The following DACH2 variants were observed in gnomAD, a reference collection of about 807,000 sequenced individuals.
DACH2 encodes the protein dachshund homolog 2.
A neutral mutation model predicts 35.8 loss-of-function variants in DACH2; 17 were observed. The observed-to-expected ratio is 0.48, with a 90% CI of 0.33 to 0.71. DACH2 has a LOEUF of 0.71. DACH2 is among the 30% of genes least tolerant of loss of function. The pLI is 0.02. For missense variants in DACH2, 469 were observed against 472.7 expected (o/e 0.99, Z 0.07); for synonymous variants, 195 against 177.3 (o/e 1.10, Z -0.79).
intron 2 of DACH2, among the ~76,000 whole-genome samples, chrX:86,439,772 C>G (rs1311950145): frequency 9.0e-6 from 1 of 111,110 alleles, no homozygotes; most frequent in Non-Finnish European, 1.9e-5. Flanking sequence ...CTGTAAATTT[C>G]CTTCTAAGCA....
chrX:86,685,789 A>G (rs1250421129), intron 4 of DACH2, among the ~76,000 whole-genome samples: 2 of 110,460 alleles, frequency 1.8e-5, no homozygotes, highest in African/African-American at 6.6e-5. Context: ...TAAAATAATT[A>G]AATCTTGCAA....
chrX:86,470,059 C>A (rs752766904), intron 2 of DACH2, among the ~76,000 whole-genome samples: 8 of 95,801 alleles, frequency 8.4e-5, no homozygotes, highest in Non-Finnish European at 1.3e-4. Context: ...TCTGCTGTGG[C>A]ACTGTTAATC....
At chrX:86,608,764 A>G (rs1359434117) in intron 3 of DACH2, among the ~76,000 whole-genome samples, 1 of 111,157 alleles carries the variant, frequency 9.0e-6, no homozygotes, top group Non-Finnish European at 1.9e-5. Context: ...TTTTGGTTTT[A>G]TCCTTCAGCA....
chrX:86,261,683 C>T (rs1334569720), intron 1 of DACH2, among the ~76,000 whole-genome samples: 1 of 110,870 alleles, frequency 9.0e-6, no homozygotes, highest in Admixed American at 9.6e-5. Flanking sequence ...ATTCTGGGGC[C>T]CATACTTGAA....
intron 2 of DACH2, among the ~76,000 whole-genome samples, chrX:86,476,521 A>G (rs912578070): frequency 9.0e-6 from 1 of 110,795 alleles, no homozygotes; most frequent in Non-Finnish European, 1.9e-5. Context: ...GATTTTATTT[A>G]TTTGGATCTT....
Position 86,548,967 on chromosome X carries a change from GAT to G in DACH2, c.640+34577_640+34578del, listed in dbSNP as rs752254583. Among the ~76,000 whole-genome samples the G allele has an allele frequency of 1.3e-3, 140 of 111,882 alleles. 1 individual carries two copies. Among genetic ancestry groups the G allele is most frequent in the Admixed American group, 2.8e-3 (29 of 10,515 alleles). On this transcript the variant is annotated intron_variant, in intron 3 of 11. Coordinates refer to ENST00000373125, the MANE Select transcript of DACH2 (RefSeq NM_053281.3). Reference sequence around the variant, plus strand: ...CCATGACAGGGAGCATTTTTTGAGTGATCTAACAGATTCTGTGAAGATTTATT... The same window carrying G: ...CCATGACAGGGAGCATTTTTTGAGTGCTAACAGATTCTGTGAAGATTTATT...
At chrX:86,226,893 C>T (rs983804508) in intron 1 of DACH2, among the ~76,000 whole-genome samples, 13 of 110,996 alleles carry the variant, frequency 1.2e-4, no homozygotes. Flanking sequence ...ACACTAATTT[C>T]CTATTAAAAT....
chrX:86,491,215 C>T (rs1326867951), intron 2 of DACH2, among the ~76,000 whole-genome samples: 3 of 111,791 alleles, frequency 2.7e-5, no homozygotes, highest in African/African-American at 9.7e-5. Context: ...ACCTGCTGTA[C>T]ACAATGCTTT....
At chrX:86,683,039 G>A (rs950506609) in intron 4 of DACH2, among the ~76,000 whole-genome samples, 1 of 110,998 alleles carries the variant, frequency 9.0e-6, no homozygotes, top group Non-Finnish European at 1.9e-5. Context: ...TTGAGTCTGC[G>A]AGTTTTATCT....
At position 86,712,192 on chromosome X, in the gene DACH2, G is replaced by A. The variant is rs773931721; in HGVS notation, c.932-2356G>A. Among the ~76,000 whole-genome samples the A allele has an allele frequency of 9.0e-5, 10 of 111,210 alleles. No individual in the cohort carries two copies. In the East Asian group the frequency reaches 1.4e-3, roughly 16 times the overall value. On this transcript the variant is annotated intron_variant, in intron 5 of 11. Transcript: ENST00000373125. ...AAACCTACTTAGGTCATTGATTGTC[G>A]TTATTATATTGAGCATAATGTGAAG... is the stretch of plus-strand genomic sequence containing the variant.
At chrX:86,156,615 C>G (rs766337223) in intron 1 of DACH2, among the ~76,000 whole-genome samples, 1 of 110,939 alleles carries the variant, frequency 9.0e-6, no homozygotes, top group East Asian at 2.8e-4. Flanking sequence ...CTTGATATTT[C>G]CCTTAGGTGA....
intron 4 of DACH2, among the ~76,000 whole-genome samples, chrX:86,667,570 AAG>A (rs1292633268): frequency 1.0e-5 from 1 of 98,009 alleles, no homozygotes; most frequent in Non-Finnish European, 2.0e-5. Flanking sequence ...GAAAGAAAGA[AAG>A]AAAGAAAGAA....
chrX:86,547,547 A>G (rs1167070870), intron 3 of DACH2, among the ~76,000 whole-genome samples: 5 of 109,443 alleles, frequency 4.6e-5, no homozygotes, highest in African/African-American at 1.7e-4. Context: ...ACACACACAC[A>G]CACACACACA....
intron 11 of DACH2, among the ~76,000 whole-genome samples, chrX:86,823,623 T>A (rs1296159387): frequency 1.8e-5 from 2 of 112,059 alleles, no homozygotes; most frequent in African/African-American, 6.5e-5. Context: ...TCTTTCACTA[T>A]CAGGGGAACC....
intron 7 of DACH2, among the ~76,000 whole-genome samples, chrX:86,778,691 A>G (rs1602937142): frequency 9.0e-6 from 1 of 110,936 alleles, no homozygotes; most frequent in Admixed American, 9.6e-5. Context: ...GCTCACTGCA[A>G]CCTCTGCTGT....
At chrX:86,648,938 TC>T (rs1454753580) in intron 3 of DACH2, among the ~76,000 whole-genome samples, 1 of 110,302 alleles carries the variant, frequency 9.1e-6, no homozygotes, top group Admixed American at 9.7e-5. Flanking sequence ...GGAGATCGTA[TC>T]CTTTAGAGAT....
Position 86,816,041 on chromosome X carries a change from A to G in DACH2, c.1692A>G (p.Gly564=). 8.5e-7 allele frequency: 1 copy of G among 1,179,540 alleles called. No individual in the cohort carries two copies. Among genetic ancestry groups the G allele is most frequent in the Admixed American group, 2.3e-5 (1 of 42,979 alleles). The change falls in exon 11 of 12, where the codon GGA becomes GGG. Residue 564 remains glycine (G), a synonymous_variant. Coordinates refer to ENST00000373125, the MANE Select transcript of DACH2 (RefSeq NM_053281.3). ...GCATGTCATTTATTTCAGATACTGG[A>G]ATTCCAGATATTGAAATAGAAAACA... The part of the protein sequence containing the change: ...DSGLRMLKDT[G]IPDIEIENNG...
chrX:86,754,401 G>A (rs1276433833), intron 7 of DACH2, among the ~76,000 whole-genome samples: 2 of 110,943 alleles, frequency 1.8e-5, no homozygotes, highest in African/African-American at 6.5e-5. Flanking sequence ...TGGCAGGAGG[G>A]ACTAACAAAC....
intron 1 of DACH2, among the ~76,000 whole-genome samples, chrX:86,226,944 A>C (rs1187067268): frequency 2.7e-5 from 3 of 111,753 alleles, no homozygotes; most frequent in Non-Finnish European, 3.8e-5. Context: ...TGTTATAAAA[A>C]TAAAAATACC....
Sources: allele counts gnomAD v4.1 joint callset (sites outside exome capture counted in the v4.1 genomes callset), GRCh38; gene constraint gnomAD v4.1.1; transcripts MANE v1.5; gene names NCBI Gene and HGNC (gene_info 2026-07-23, HGNC 2026-07-21).